The following ITPR1 variants were observed in gnomAD, a reference collection of about 807,000 sequenced individuals.
ITPR1 encodes the protein inositol 1,4,5-trisphosphate receptor type 1.
A neutral mutation model predicts 318.4 loss-of-function variants in ITPR1; 96 were observed. The observed-to-expected ratio is 0.30, with a 90% confidence interval of 0.26 to 0.36. ITPR1 has a LOEUF of 0.36. Ranked by LOEUF, ITPR1 falls within the 10% of genes least tolerant of loss-of-function variation. The pLI is 1.00. For synonymous variants in ITPR1, 1,312 were observed against 1,289.9 expected (o/e 1.02, Z -0.37); for missense variants, 2,440 against 3,460.2 (o/e 0.71, Z 7.40).
intron 4 of ITPR1, among the ~76,000 whole-genome samples, chr3:4,545,195 C>T (rs925394989): frequency 3.9e-5 from 6 of 152,232 alleles, no homozygotes; most frequent in African/African-American, 1.4e-4. Flanking sequence ...CAAAATGAAT[C>T]AGTTGATCTG....
chr3:4,684,976 TC>T lies in ITPR1; in HGVS notation c.3565-89del, dbSNP rs2094365718. 72 of 1,262,098 alleles carry T rather than the reference TC, an allele frequency of 5.7e-5. 1 individual carries two copies. In the South Asian group the frequency reaches 9.2e-4, roughly 16 times the overall value. The allele number at this position is 1,262,098 out of a possible 1,614,324, so 78.2% of individuals were successfully genotyped here. ...GTTTTACGTTTTTAATGCATTATAATCCCCTTTGCCTCCCTGCCCGCCACCA... is the reference window on the plus strand; with the variant it reads ...GTTTTACGTTTTTAATGCATTATAATCCCTTTGCCTCCCTGCCCGCCACCA... On this transcript the variant is annotated intron_variant, in intron 29 of 61. Transcript: ENST00000649015.
intron 44 of ITPR1, among the ~76,000 whole-genome samples, chr3:4,744,024 C>T (rs189020213): frequency 9.7e-4 from 147 of 152,142 alleles, no homozygotes; most frequent in African/African-American, 3.3e-3. Flanking sequence ...TTAGTAGAGA[C>T]GGGGTTTCTA....
At chr3:4,645,097 C>A (rs1246859287) in intron 8 of ITPR1, among the ~76,000 whole-genome samples, 1 of 152,040 alleles carries the variant, frequency 6.6e-6, no homozygotes, top group Non-Finnish European at 1.5e-5. Context: ...GGCTACAGAA[C>A]AAGAGACTTG....
intron 4 of ITPR1, among the ~76,000 whole-genome samples, chr3:4,610,140 C>A (rs2091983845): frequency 1.3e-5 from 2 of 152,106 alleles, no homozygotes; most frequent in Non-Finnish European, 2.9e-5. Context: ...ATCATCCATC[C>A]CTCTTCCTGT....
chr3:4,818,773 G>A (rs1439901906), intron 60 of ITPR1, among the ~76,000 whole-genome samples: 3 of 152,056 alleles, frequency 2.0e-5, no homozygotes, highest in Non-Finnish European at 4.4e-5. Flanking sequence ...TAATCTTTTC[G>A]CTGATGGGAA....
chr3:4,840,476 G>T (rs1187277776), intron 61 of ITPR1, among the ~76,000 whole-genome samples: 1 of 152,070 alleles, frequency 6.6e-6, no homozygotes, highest in Non-Finnish European at 1.5e-5. Flanking sequence ...TGTTGTTGTT[G>T]TTGTTTGTTT....
chr3:4,800,348 C>A, intron 53 of ITPR1, 77 bp from the exon 54 acceptor site: 1 of 1,437,492 alleles, frequency 7.0e-7, no homozygotes, highest in Non-Finnish European at 9.5e-7. Flanking sequence ...GAATCTGTAA[C>A]AGTGCATGTT....
chr3:4,660,840 A>T, intron 13 of ITPR1, 148 bp from the exon 14 acceptor site: 1 of 439,302 alleles, frequency 2.3e-6, no homozygotes. Flanking sequence ...TTGGACCTGG[A>T]CCATTTGCCC....
At chr3:4,708,699 G>A (rs913671934) in intron 37 of ITPR1, among the ~76,000 whole-genome samples, 27 of 152,238 alleles carry the variant, frequency 1.8e-4, no homozygotes, top group Non-Finnish European at 1.0e-4. Flanking sequence ...GAAACGCGTA[G>A]GTGGGCAGTA....
intron 4 of ITPR1, among the ~76,000 whole-genome samples, chr3:4,601,847 CA>C (rs1204753315): frequency 3.3e-5 from 5 of 152,020 alleles, no homozygotes; most frequent in Admixed American, 3.3e-4. Flanking sequence ...TCTCACAGCT[CA>C]ATAGTAAAAG....
intron 4 of ITPR1, among the ~76,000 whole-genome samples, chr3:4,567,091 T>C (rs889576364): frequency 1.3e-5 from 2 of 152,172 alleles, no homozygotes; most frequent in African/African-American, 4.8e-5. Context: ...TAATAATACC[T>C]ATTTCAGTGG....
rs762799122 is a variant in ITPR1, at chr3:4,645,467, G to A, written c.705G>A (p.Lys235=). The A allele has an allele frequency of 1.1e-5, 18 of 1,611,894 alleles. No individual in the cohort carries two copies. The highest frequency in any genetic ancestry group is 1.4e-5 in the Non-Finnish European group (16 of 1,178,182). Residue 235 remains lysine (K), a synonymous_variant, in exon 9 of 62, where the codon AAG becomes AAA. Transcript: ENST00000649015. ...GTGATAACAAAGACGACATATTAAA[G>A]GGGGTGAGTTTGATGCTTTATGGGC... ...KWSDNKDDIL[K]GGDVVRLFHA...
chr3:4,600,045 G>A (rs2091150722), intron 4 of ITPR1, among the ~76,000 whole-genome samples: 1 of 152,148 alleles, frequency 6.6e-6, no homozygotes, highest in South Asian at 2.1e-4. Context: ...GCATTTCCTA[G>A]CATTGTATGT....
In ITPR1 at chr3:4,702,811, C is replaced by G; in HGVS notation, c.4537-19C>G. The G allele has an allele frequency of 1.2e-6, 2 of 1,612,282 alleles. No homozygotes were observed. The highest frequency in any genetic ancestry group is 1.7e-6 in the Non-Finnish European group (2 of 1,178,998). On this transcript the variant is annotated intron_variant, in intron 35 of 61. Transcript: ENST00000649015. ...AATAAAAATCTGTTTTTCACGTTGC[C>G]TCTTTTGGCTTCTTGCAGACTCGCC... is the stretch of plus-strand genomic sequence containing the variant.
At chr3:4,511,586 G>A (rs1039169232) in intron 2 of ITPR1, among the ~76,000 whole-genome samples, 6 of 152,320 alleles carry the variant, frequency 3.9e-5, no homozygotes, top group Middle Eastern at 3.4e-3. Flanking sequence ...TTTGCTGAGT[G>A]TTTATAAATA....
At chr3:4,762,573 A>C (rs1559851620) in intron 44 of ITPR1, among the ~76,000 whole-genome samples, 1 of 152,222 alleles carries the variant, frequency 6.6e-6, no homozygotes, top group Non-Finnish European at 1.5e-5. Context: ...ATGGTAGTAG[A>C]AAAACAAAAT....
At chr3:4,643,858 G>T (rs1237766930) in intron 7 of ITPR1, among the ~76,000 whole-genome samples, 12 of 144,060 alleles carry the variant, frequency 8.3e-5, no homozygotes, top group Non-Finnish European at 1.1e-4. Flanking sequence ...AAACTGAACA[G>T]TTTTTTTTTT....
intron 44 of ITPR1, among the ~76,000 whole-genome samples, chr3:4,762,658 C>T (rs1217234772): frequency 3.3e-5 from 5 of 152,232 alleles, no homozygotes; most frequent in Admixed American, 3.3e-4. Flanking sequence ...TTCAGAGAGG[C>T]TGGGCAGTGT....
chr3:4,821,583 A>AT (rs763600073), intron 60 of ITPR1, among the ~76,000 whole-genome samples: 1 of 152,224 alleles, frequency 6.6e-6, no homozygotes, highest in Non-Finnish European at 1.5e-5. Flanking sequence ...CGAGTCATGA[A>AT]TGAAAGAGGT....
Sources: gnomAD v4.1 joint callset for allele counts (sites outside exome capture counted in the v4.1 genomes callset) on GRCh38, gnomAD v4.1.1 for gene constraint, MANE v1.5 for transcripts, NCBI Gene and HGNC (gene_info 2026-07-23, HGNC 2026-07-21) for gene names.